The following SDHAF3 variants were observed in gnomAD, a reference collection of about 807,000 sequenced individuals.
SDHAF3 encodes succinate dehydrogenase assembly factor 3, mitochondrial.
Under a neutral mutation model 11.5 loss-of-function variants are expected in SDHAF3, and 18 were observed. The observed-to-expected ratio is 1.56, with a 90% CI of 1.08 to 2.32. The LOEUF (loss-of-function observed/expected upper bound fraction) is 2.32, where lower values mean the gene tolerates loss of function less well. Ranked by LOEUF, SDHAF3 falls within the 30% of genes most tolerant of loss-of-function variation. The probability of loss-of-function intolerance (pLI) is 0.00; values close to 1 mark genes in which losing one functional copy is unlikely to be tolerated. For synonymous variants in SDHAF3, 72 were observed against 59.3 expected, an observed-to-expected ratio of 1.21 and a Z score of -0.99; for missense variants, 200 against 154.4, an observed-to-expected ratio of 1.30 and a Z score of -1.57.
intron 1 of SDHAF3, among the ~76,000 whole-genome samples, chr7:97,132,032 C>T (rs1791678488): frequency 6.6e-6 from 1 of 152,068 alleles, no homozygotes; most frequent in South Asian, 2.1e-4. Context: ...TTGTAATTTT[C>T]TTCTGTGTAC....
At chr7:97,147,285 T>C (rs1479967250) in intron 1 of SDHAF3, among the ~76,000 whole-genome samples, 4 of 152,222 alleles carry the variant, frequency 2.6e-5, no homozygotes, top group South Asian at 2.1e-4. Flanking sequence ...TACACAATTA[T>C]AGAATTTCAA....
At chr7:97,150,221 T>G (rs1157867800) in intron 1 of SDHAF3, among the ~76,000 whole-genome samples, 1 of 152,222 alleles carries the variant, frequency 6.6e-6, no homozygotes, top group Non-Finnish European at 1.5e-5. Flanking sequence ...GGAATCAGCT[T>G]CTTCCAAACT....
At chr7:97,121,864 T>G (rs1400054452) in intron 1 of SDHAF3, among the ~76,000 whole-genome samples, 7 of 139,882 alleles carry the variant, frequency 5.0e-5, no homozygotes, top group East Asian at 2.0e-4. Flanking sequence ...GTTTTTTTTT[T>G]TTTTGTTTTT....
chr7:97,159,284 ACTTC>A (rs1385780214), intron 1 of SDHAF3, among the ~76,000 whole-genome samples: 1 of 152,206 alleles, frequency 6.6e-6, no homozygotes, highest in African/African-American at 2.4e-5. Flanking sequence ...TAGAATCTAA[ACTTC>A]CTTAACATTT....
intron 1 of SDHAF3, among the ~76,000 whole-genome samples, chr7:97,157,166 C>T (rs1362202250): frequency 2.0e-5 from 3 of 152,268 alleles, no homozygotes; most frequent in South Asian, 4.1e-4. Flanking sequence ...TGACATTTGA[C>T]TCTGGATACT....
chr7:97,140,598 T>G (rs1320011433), intron 1 of SDHAF3, among the ~76,000 whole-genome samples: 1 of 152,132 alleles, frequency 6.6e-6, no homozygotes, highest in East Asian at 1.9e-4. Context: ...ATTAATACTT[T>G]TATAATTTCT....
intron 1 of SDHAF3, among the ~76,000 whole-genome samples, chr7:97,137,868 C>CTTTTTTTT (rs11381462): frequency 1.4e-5 from 1 of 69,098 alleles, no homozygotes; most frequent in Non-Finnish European, 2.6e-5. Flanking sequence ...ATTCCATTCG[C>CTTTTTTTT]TTTTTTTTTT....
At chr7:97,162,410 T>A (rs1431144494) in intron 1 of SDHAF3, among the ~76,000 whole-genome samples, 1 of 152,206 alleles carries the variant, frequency 6.6e-6, no homozygotes, top group African/African-American at 2.4e-5. Context: ...TAGTTATTTC[T>A]TATCTTCTGC....
At chr7:97,130,448 C>A (rs1244442920) in intron 1 of SDHAF3, among the ~76,000 whole-genome samples, 1 of 152,166 alleles carries the variant, frequency 6.6e-6, no homozygotes, top group Non-Finnish European at 1.5e-5. Context: ...GGTCTGGTCC[C>A]CCAGAAGGGT....
At chr7:97,140,554 G>A (rs60447150) in intron 1 of SDHAF3, among the ~76,000 whole-genome samples, 24,779 of 151,896 alleles carry the variant, frequency 0.16, 2,270 homozygotes, top group East Asian at 0.29. Flanking sequence ...AACATAAATC[G>A]TGAAGATTTC....
At chr7:97,118,681 C>T (rs1243748700) in intron 1 of SDHAF3, among the ~76,000 whole-genome samples, 1 of 151,766 alleles carries the variant, frequency 6.6e-6, no homozygotes, top group Non-Finnish European at 1.5e-5. Context: ...ATTGGAATGA[C>T]AGCTCAGATA....
intron 1 of SDHAF3, among the ~76,000 whole-genome samples, chr7:97,120,725 A>C (rs555055426): frequency 2.6e-5 from 4 of 152,174 alleles, no homozygotes; most frequent in African/African-American, 9.7e-5. Context: ...CCTCACACAC[A>C]TCTAAACTTA....
chr7:97,156,630 G>A (rs915366957), intron 1 of SDHAF3, among the ~76,000 whole-genome samples: 2 of 152,008 alleles, frequency 1.3e-5, no homozygotes, highest in Non-Finnish European at 2.9e-5. Flanking sequence ...TAAATACAGG[G>A]GTATAGGTGG....
At chr7:97,143,421 C>A (rs1295849142) in intron 1 of SDHAF3, among the ~76,000 whole-genome samples, 1 of 152,008 alleles carries the variant, frequency 6.6e-6, no homozygotes, top group East Asian at 1.9e-4. Flanking sequence ...GTATACACTG[C>A]ACCATATTTG....
At chr7:97,122,507 T>TG (rs1791517159) in intron 1 of SDHAF3, among the ~76,000 whole-genome samples, 2 of 146,676 alleles carry the variant, frequency 1.4e-5, no homozygotes, top group Non-Finnish European at 3.0e-5. Context: ...TTTATGAGGT[T>TG]TTTTTTTTTT....
At chr7:97,149,389 G>C (rs1789183968) in intron 1 of SDHAF3, among the ~76,000 whole-genome samples, 2 of 151,972 alleles carry the variant, frequency 1.3e-5, no homozygotes, top group Non-Finnish European at 1.5e-5. Flanking sequence ...AGAAGGGTTA[G>C]TTGCAAAATA....
At chr7:97,130,044 T>C (rs1791642240) in intron 1 of SDHAF3, among the ~76,000 whole-genome samples, 1 of 152,052 alleles carries the variant, frequency 6.6e-6, no homozygotes, top group African/African-American at 2.4e-5. Flanking sequence ...GCCCGAAAAC[T>C]TGGAGATGCG....
At chr7:97,155,067 A>C (rs995567112) in intron 1 of SDHAF3, among the ~76,000 whole-genome samples, 3 of 152,188 alleles carry the variant, frequency 2.0e-5, no homozygotes, top group Non-Finnish European at 2.9e-5. Context: ...CACTTAATTC[A>C]TCTATTTCAA....
At chr7:97,131,159 CTA>C (rs576424368) in intron 1 of SDHAF3, among the ~76,000 whole-genome samples, 1 of 152,194 alleles carries the variant, frequency 6.6e-6, no homozygotes, top group South Asian at 2.1e-4. Flanking sequence ...TTCCAAAAAA[CTA>C]TTAAACTTTT....
Sources: allele counts gnomAD v4.1 joint callset (sites outside exome capture counted in the v4.1 genomes callset), GRCh38; gene constraint gnomAD v4.1.1; transcripts MANE v1.5; gene names NCBI Gene and HGNC (gene_info 2026-07-23, HGNC 2026-07-21).